The following ALPK1 variants were observed in gnomAD, a reference collection of about 807,000 sequenced individuals.
ALPK1 encodes alpha kinase 1.
ALPK1 carries 110 observed loss-of-function variants against 120.6 expected under a neutral mutation model. The ratio of observed to expected loss-of-function variants is 0.91; its 90% CI spans 0.78 to 1.07. The LOEUF is 1.07. Ranked by LOEUF, ALPK1 falls within the 50% of genes least tolerant of loss-of-function variation. The probability of loss-of-function intolerance (pLI) is 0.00; values close to 1 mark genes in which losing one functional copy is unlikely to be tolerated. For missense variants in ALPK1, 1,498 were observed against 1,483.9 expected, an observed-to-expected ratio of 1.01 and a Z score of -0.16; for synonymous variants, 582 against 560.3, an observed-to-expected ratio of 1.04 and a Z score of -0.55.
intron 1 of ALPK1, chr4:112,302,300 C>T (rs1016221937): frequency 1.3e-5 from 2 of 152,212 alleles, no homozygotes; most frequent in African/African-American, 2.4e-5. Flanking sequence ...GAAAACTCCA[C>T]ACAATTAATG....
intron 2 of ALPK1, among the ~76,000 whole-genome samples, chr4:112,327,612 A>AT (rs1303815064): frequency 5.3e-5 from 8 of 151,902 alleles, no homozygotes; most frequent in Admixed American, 1.3e-4. Context: ...ATTTTTAAAA[A>AT]TTTTTTTTGT....
intron 4 of ALPK1, chr4:112,383,296 T>G (rs866226718): frequency 6.6e-6 from 1 of 151,536 alleles, no homozygotes; most frequent in Middle Eastern, 3.4e-3. Flanking sequence ...TATATATATA[T>G]ATATATTTTC....
At chr4:112,310,555 C>T (rs1217120761) in intron 1 of ALPK1, among the ~76,000 whole-genome samples, 4 of 152,060 alleles carry the variant, frequency 2.6e-5, no homozygotes, top group Non-Finnish European at 5.9e-5. Flanking sequence ...ACTATCTATT[C>T]AAAATGACAC....
At chr4:112,401,218 G>A (rs1467162227) in intron 4 of ALPK1, among the ~76,000 whole-genome samples, 3 of 152,176 alleles carry the variant, frequency 2.0e-5, no homozygotes, top group Non-Finnish European at 4.4e-5. Flanking sequence ...GAAAAAGGGA[G>A]AGGAGACAAG....
intron 5 of ALPK1, among the ~76,000 whole-genome samples, chr4:112,418,347 G>C (rs549028871): frequency 1.1e-4 from 17 of 152,312 alleles, no homozygotes; most frequent in Non-Finnish European, 2.4e-4. Context: ...CAGAGTGCCA[G>C]GGGAAACTGG....
intron 2 of ALPK1, chr4:112,356,325 C>T: frequency 1.1e-6 from 1 of 899,642 alleles, no homozygotes; most frequent in Non-Finnish European, 1.9e-6. Flanking sequence ...CTCCAAGACA[C>T]CATCTTTGCC....
chr4:112,329,725 A>G (rs1729277244), intron 2 of ALPK1, among the ~76,000 whole-genome samples: 1 of 152,220 alleles, frequency 6.6e-6, no homozygotes, highest in Non-Finnish European at 1.5e-5. Context: ...AAGAGCAGGA[A>G]TCCATTACCC....
intron 4 of ALPK1, among the ~76,000 whole-genome samples, chr4:112,409,693 A>C (rs556467653): frequency 1.5e-4 from 23 of 152,286 alleles, no homozygotes; most frequent in Admixed American, 5.9e-4. Flanking sequence ...GAGAAGTCAT[A>C]CATGCCCACT....
At chr4:112,299,080 G>GT (rs78444226) in intron 1 of ALPK1, among the ~76,000 whole-genome samples, 30 of 151,710 alleles carry the variant, frequency 2.0e-4, no homozygotes, top group East Asian at 1.4e-3. Flanking sequence ...CCATATTTTT[G>GT]TTTTTTTTGT....
chr4:112,322,448 T>C (rs1728904187), intron 2 of ALPK1, among the ~76,000 whole-genome samples: 1 of 152,202 alleles, frequency 6.6e-6, no homozygotes, highest in Non-Finnish European at 1.5e-5. Context: ...ACAGGATTAA[T>C]CAACAAGATA....
chr4:112,382,538 T>C lies in ALPK1; in HGVS notation c.262T>C (p.Leu88=). The change falls in exon 4 of 16, where the codon TTG becomes CTG. Residue 88 remains leucine (L), a synonymous_variant. Coordinates refer to ENST00000650871, the MANE Select transcript of ALPK1 (RefSeq NM_025144.4). ...TNLKDVIGAG[L]QQLLASLRAS... ...CCTGAAGGATGTGATTGGCGCCGGGTTGCAGCAGTTACTGGTAGGAAGAGC... is the reference window on the plus strand; with the variant it reads ...CCTGAAGGATGTGATTGGCGCCGGGCTGCAGCAGTTACTGGTAGGAAGAGC... 6.2e-7 allele frequency: 1 copy of C among 1,614,080 alleles called. No individual in the cohort carries two copies. The highest frequency in any genetic ancestry group is 8.5e-7 in the Non-Finnish European group (1 of 1,179,998).
At chr4:112,308,194 T>G (rs1728207391) in intron 1 of ALPK1, among the ~76,000 whole-genome samples, 1 of 152,114 alleles carries the variant, frequency 6.6e-6, no homozygotes, top group African/African-American at 2.4e-5. Context: ...TTTCCTTCAT[T>G]TCAACTTTGG....
chr4:112,416,308 A>G (rs1356509201), intron 5 of ALPK1, among the ~76,000 whole-genome samples: 1 of 152,174 alleles, frequency 6.6e-6, no homozygotes, highest in Non-Finnish European at 1.5e-5. Context: ...CCAGTTTCTC[A>G]GATGTTCCAA....
At position 112,441,535 on chromosome 4, in the gene ALPK1, A is replaced by T. The variant is rs1735040641; in HGVS notation, c.*325A>T. The T allele has an allele frequency of 3.1e-6, 1 of 323,710 alleles. No homozygotes were observed. Among genetic ancestry groups the T allele is most frequent in the South Asian group, 6.5e-5 (1 of 15,332 alleles). The allele number at this position is 323,710 out of a possible 1,614,324, so 20.1% of individuals were successfully genotyped here. On this transcript the variant is annotated 3_prime_UTR_variant, in exon 16 of 16. Coordinates refer to ENST00000650871, the MANE Select transcript of ALPK1 (RefSeq NM_025144.4). ...TTTTTGTCACTATCTGTCAAGACTGATACTACTGGGGCTTTTCCTATTGAT... is the reference window on the plus strand; with the variant it reads ...TTTTTGTCACTATCTGTCAAGACTGTTACTACTGGGGCTTTTCCTATTGAT...
chr4:112,298,344 T>C (rs1222400562), intron 1 of ALPK1, among the ~76,000 whole-genome samples: 1 of 152,062 alleles, frequency 6.6e-6, no homozygotes, highest in Non-Finnish European at 1.5e-5. Context: ...TCCATTTAAT[T>C]TGGGGTATAA....
intron 2 of ALPK1, among the ~76,000 whole-genome samples, chr4:112,323,708 CATCT>C (rs1560636494): frequency 6.6e-6 from 1 of 152,142 alleles, no homozygotes; most frequent in African/African-American, 2.4e-5. Context: ...GTGAGAGGCT[CATCT>C]AGGAGTGAGG....
At chr4:112,320,992 G>C (rs1728845776) in intron 2 of ALPK1, among the ~76,000 whole-genome samples, 1 of 149,712 alleles carries the variant, frequency 6.7e-6, no homozygotes, top group African/African-American at 2.5e-5. Context: ...CGCCTCCCAG[G>C]TTCACGCCAT....
chr4:112,363,759 T>A (rs1731017015), intron 2 of ALPK1, among the ~76,000 whole-genome samples: 1 of 152,198 alleles, frequency 6.6e-6, no homozygotes, highest in Non-Finnish European at 1.5e-5. Flanking sequence ...AGAATATACA[T>A]TCTATTCATC....
chr4:112,378,062 C>T (rs994330641), intron 3 of ALPK1, among the ~76,000 whole-genome samples, 164 bp downstream of exon 3: 5 of 151,444 alleles, frequency 3.3e-5, no homozygotes, highest in Admixed American at 6.6e-5. Context: ...GGGCTGCGGG[C>T]GGACGGGCAG....
Sources: allele counts gnomAD v4.1 joint callset (sites outside exome capture counted in the v4.1 genomes callset), GRCh38; gene constraint gnomAD v4.1.1; transcripts MANE v1.5; gene names NCBI Gene and HGNC (gene_info 2026-07-23, HGNC 2026-07-21).